The following DLGAP2 variants were observed in gnomAD, a reference collection of about 807,000 sequenced individuals.
DLGAP2 encodes DLG associated protein 2.
In DLGAP2, 26 loss-of-function variants were observed where a neutral mutation model predicts 100.3. The ratio of observed to expected loss-of-function variants is 0.26; its 90% CI spans 0.19 to 0.36. DLGAP2 has a LOEUF of 0.36. Among genes scored for constraint, DLGAP2 ranks in the 10% least tolerant of loss-of-function variants. The pLI is 1.00. For synonymous variants in DLGAP2, 886 were observed against 630.1 expected (o/e 1.41, Z -6.08); for missense variants, 1,858 against 1,453.2 (o/e 1.28, Z -4.53).
intron 3 of DLGAP2, among the ~76,000 whole-genome samples, chr8:1,351,041 TGTGTGG>T (rs1801710796): frequency 1.3e-5 from 1 of 78,472 alleles, no homozygotes; most frequent in Non-Finnish European, 2.4e-5. Context: ...GTCCTGACTG[TGTGTGG>T]AAAGGCCGTG....
chr8:1,436,193 G>A (rs1434570935), intron 3 of DLGAP2, among the ~76,000 whole-genome samples: 1 of 152,146 alleles, frequency 6.6e-6, no homozygotes, highest in Non-Finnish European at 1.5e-5. Flanking sequence ...CCAGTCCGAG[G>A]CCCAAAACCT....
chr8:1,501,452 C>G, intron 4 of DLGAP2, 21 bp downstream of exon 4: 1 of 1,535,352 alleles, frequency 6.5e-7, no homozygotes, highest in Non-Finnish European at 8.7e-7. Context: ...GACGTCAGCC[C>G]CGCTCTGGCG....
At chr8:1,547,006 C>T (rs553908598) in intron 4 of DLGAP2, among the ~76,000 whole-genome samples, 2 of 152,274 alleles carry the variant, frequency 1.3e-5, no homozygotes, top group South Asian at 4.1e-4. Context: ...TCGAGGACGG[C>T]ACACAGCAAG....
intron 2 of DLGAP2, among the ~76,000 whole-genome samples, chr8:1,149,116 A>G (rs1218269497): frequency 1.3e-5 from 2 of 151,826 alleles, no homozygotes; most frequent in African/African-American, 4.8e-5. Context: ...CTTCCTGAAA[A>G]ATTCACTATT....
At chr8:1,061,116 T>A (rs1465385194) in intron 2 of DLGAP2, among the ~76,000 whole-genome samples, 1 of 152,218 alleles carries the variant, frequency 6.6e-6, no homozygotes, top group Non-Finnish European at 1.5e-5. Flanking sequence ...CAGGTCTGTT[T>A]TCCAGGAAGA....
chr8:1,104,023 C>T (rs987290526), intron 2 of DLGAP2, among the ~76,000 whole-genome samples: 3 of 152,162 alleles, frequency 2.0e-5, no homozygotes, highest in African/African-American at 7.2e-5. Context: ...ACACAAAGCG[C>T]TTGCTTGTGG....
rs1350347859 is a variant in DLGAP2, at chr8:1,064,303, TAC to T, written c.73+156339_73+156340del. Among the ~76,000 whole-genome samples, 6 of 152,242 alleles carry T rather than the reference TAC, an allele frequency of 3.9e-5. No individual in the cohort carries two copies. In the East Asian group the frequency reaches 9.6e-4, roughly 24 times the overall value. On this transcript the variant is annotated intron_variant, in intron 2 of 14. Transcript: ENST00000637795. ...AACCAGAAAATAAGTTGTGTGTATA[TAC>T]AGTGTTCAGATTGGAAAAATATAGC...
chr8:1,224,660 G>A (rs1798379474), intron 2 of DLGAP2, among the ~76,000 whole-genome samples: 3 of 152,170 alleles, frequency 2.0e-5, no homozygotes, highest in South Asian at 2.1e-4. Flanking sequence ...AATCCAGAAT[G>A]AAAAGAGAGA....
At chr8:1,541,689 C>T (rs752527563) in intron 4 of DLGAP2, among the ~76,000 whole-genome samples, 4 of 152,222 alleles carry the variant, frequency 2.6e-5, no homozygotes, top group South Asian at 2.1e-4. Flanking sequence ...CTCACCCAGA[C>T]GAGATCTAAG....
At chr8:923,051 C>G (rs115626025) in intron 2 of DLGAP2, among the ~76,000 whole-genome samples, 1 of 152,100 alleles carries the variant, frequency 6.6e-6, no homozygotes, top group Non-Finnish European at 1.5e-5. Flanking sequence ...GATTTTGCTA[C>G]CATGTTAAAA....
At chr8:894,302 A>G (rs1401040869) in intron 1 of DLGAP2, among the ~76,000 whole-genome samples, 2 of 152,242 alleles carry the variant, frequency 1.3e-5, no homozygotes, top group Non-Finnish European at 2.9e-5. Context: ...TCTCTGTGTT[A>G]CAGAGACTGG....
At chr8:1,196,064 C>G (rs367700357) in intron 2 of DLGAP2, among the ~76,000 whole-genome samples, 3 of 152,346 alleles carry the variant, frequency 2.0e-5, no homozygotes, top group African/African-American at 7.2e-5. Flanking sequence ...ACTGAGGCCA[C>G]AACCTGGAAA....
intron 3 of DLGAP2, among the ~76,000 whole-genome samples, chr8:1,380,598 G>T (rs1796069305): frequency 6.6e-6 from 1 of 152,054 alleles, no homozygotes; most frequent in African/African-American, 2.4e-5. Context: ...CCACATGAAG[G>T]ATCAGCATGA....
chr8:966,791 CTG>C (rs1799882511), intron 2 of DLGAP2, among the ~76,000 whole-genome samples: 1 of 152,196 alleles, frequency 6.6e-6, no homozygotes, highest in Admixed American at 6.5e-5. Flanking sequence ...CTAGAAATGA[CTG>C]TTGTTAGGAT....
chr8:785,270 C>A (rs574288722), intron 1 of DLGAP2, among the ~76,000 whole-genome samples: 2 of 141,128 alleles, frequency 1.4e-5, no homozygotes, highest in African/African-American at 2.6e-5. Flanking sequence ...CCTGACACTT[C>A]AGATGCGCCG....
rs116279348 is a variant in DLGAP2 at position 1,696,033 on chromosome 8, G to A, written c.2797-1114G>A. Among the ~76,000 whole-genome samples the A allele has an allele frequency of 3.3e-3, 502 of 152,326 alleles. 1 individual carries two copies. The highest frequency in any genetic ancestry group is 0.011 in the African/African-American group (478 of 41,574). ...CTGGGGGCCCCAGGTCCTGGCTCTGGGTGAGGAATCGCAGAGCTGTCCGTT... is the reference window on the plus strand; with the variant it reads ...CTGGGGGCCCCAGGTCCTGGCTCTGAGTGAGGAATCGCAGAGCTGTCCGTT... On this transcript the variant is annotated intron_variant, in intron 13 of 14. Coordinates refer to ENST00000637795, the MANE Select transcript of DLGAP2 (RefSeq NM_001346810.2).
chr8:1,456,069 C>G (rs1266633988), intron 3 of DLGAP2, among the ~76,000 whole-genome samples: 1 of 152,192 alleles, frequency 6.6e-6, no homozygotes, highest in African/African-American at 2.4e-5. Flanking sequence ...TTGGCCAACT[C>G]CTGGGTCCCT....
chr8:1,328,358 G>A (rs375550298), intron 3 of DLGAP2, among the ~76,000 whole-genome samples: 6 of 149,610 alleles, frequency 4.0e-5, no homozygotes, highest in East Asian at 2.0e-4. Context: ...TCACTGTGTC[G>A]CCCAGGCTGG....
At chr8:1,200,120 C>G (rs745558562) in intron 2 of DLGAP2, among the ~76,000 whole-genome samples, 1 of 152,194 alleles carries the variant, frequency 6.6e-6, no homozygotes, top group South Asian at 2.1e-4. Flanking sequence ...GCGTGGGGGC[C>G]GGGAGCGGAT....
Sources: gnomAD v4.1 joint callset for allele counts (sites outside exome capture counted in the v4.1 genomes callset) on GRCh38, gnomAD v4.1.1 for gene constraint, MANE v1.5 for transcripts, NCBI Gene and HGNC (gene_info 2026-07-23, HGNC 2026-07-21) for gene names.